CYRIB: variants seen among roughly 807,000 people sequenced by gnomAD.
CYRIB encodes the protein CYFIP-related Rac1 interactor B.
CYRIB carries 8 observed loss-of-function variants against 44.2 expected under a neutral mutation model. That is an observed-to-expected ratio of 0.18 (90% CI 0.11 to 0.33). The LOEUF is 0.33. Ranked by LOEUF, CYRIB falls within the 10% of genes least tolerant of loss-of-function variation. The pLI is 1.00. For missense variants in CYRIB, 185 were observed against 382.8 expected (o/e 0.48, Z 4.31); for synonymous variants, 131 against 127.2 (o/e 1.03, Z -0.20).
Position 129,841,350 on chromosome 8 carries a change from A to T in CYRIB, c.*792T>A, listed in dbSNP as rs1331059325. On this transcript the variant is annotated 3_prime_UTR_variant, in exon 12 of 12. Coordinates refer to ENST00000519824, the Ensembl canonical transcript of CYRIB. ...GACAATGATCAAAATTCTAATGAAA[A>T]GACCCGGCTCTCCCCTAAAAGAAGA... is the stretch of plus-strand genomic sequence containing the variant. 6 of 152,492 alleles carry T rather than the reference A, an allele frequency of 3.9e-5. No individual in the cohort carries two copies. In the East Asian group the frequency reaches 1.2e-3, roughly 29 times the overall value. The allele number at this position is 152,492 out of a possible 1,614,324, so 9.4% of individuals were successfully genotyped here.
chr8:129,908,228 G>A (rs971706757), intron 1 of CYRIB, among the ~76,000 whole-genome samples: 15 of 151,910 alleles, frequency 9.9e-5, no homozygotes, highest in Admixed American at 9.2e-4. Context: ...AAAAATTAAA[G>A]ATAAGGGATA....
chr8:130,011,214 A>G (rs2097205356), intron 1 of CYRIB, among the ~76,000 whole-genome samples: 1 of 152,168 alleles, frequency 6.6e-6, no homozygotes, highest in Admixed American at 6.5e-5. Context: ...AAGGAAGCCC[A>G]GGAAGCTTTC....
In CYRIB at chr8:129,976,832, T is replaced by G. The variant is rs192442555; in HGVS notation, c.-295-5837A>C. 2.9e-3 allele frequency among the ~76,000 whole-genome samples: 446 copies of G among 152,206 alleles called. 4 individuals are homozygous for G. The highest frequency in any genetic ancestry group is 0.01 in the African/African-American group (431 of 41,552). On this transcript the variant is annotated intron_variant, in intron 1 of 14. Transcript: ENST00000401979. ...TGTGTTTATGTGTTGTTGTTTTTTTTTGTTTTTTGGGGTTTTTTTTTAATT... is the reference window on the plus strand; with the variant it reads ...TGTGTTTATGTGTTGTTGTTTTTTTGTGTTTTTTGGGGTTTTTTTTTAATT...
At chr8:129,892,226 G>A (rs1273728582) in intron 2 of CYRIB, among the ~76,000 whole-genome samples, 1 of 152,166 alleles carries the variant, frequency 6.6e-6, no homozygotes, top group Non-Finnish European at 1.5e-5. Context: ...AAGTAATACA[G>A]AAGTTTCTGG....
intron 1 of CYRIB, among the ~76,000 whole-genome samples, chr8:129,920,637 A>G (rs756223377): frequency 6.6e-6 from 1 of 152,152 alleles, no homozygotes; most frequent in Non-Finnish European, 1.5e-5. Context: ...TTCAGACTGG[A>G]AAAGATAAAT....
intron 11 of CYRIB, among the ~76,000 whole-genome samples, chr8:129,843,402 G>A (rs568859580): frequency 2.5e-4 from 37 of 147,854 alleles, no homozygotes; most frequent in Middle Eastern, 6.8e-3. Context: ...CATTAAATAA[G>A]GGGGCTGTTA....
At chr8:129,970,899 C>T (rs1157756020) in intron 2 of CYRIB, 44 bp downstream of exon 2, 1 of 152,182 alleles carries the variant, frequency 6.6e-6, no homozygotes, top group Non-Finnish European at 1.5e-5. Context: ...AGTGCTGGCT[C>T]TGGAGCCAGA....
intron 5 of CYRIB, among the ~76,000 whole-genome samples, chr8:129,859,348 G>A (rs1019224035): frequency 7.2e-5 from 11 of 152,184 alleles, no homozygotes; most frequent in Non-Finnish European, 1.2e-4. Flanking sequence ...GACTAGGAGC[G>A]CGACCACTGA....
chr8:129,886,936 T>C lies in CYRIB; in HGVS notation c.-10-7465A>G, dbSNP rs73710957. 7.1e-3 allele frequency among the ~76,000 whole-genome samples: 1,075 copies of C among 152,210 alleles called. 10 individuals are homozygous for C. Among genetic ancestry groups the C allele is most frequent in the African/African-American group, 0.024 (981 of 41,514 alleles). Reference sequence around the variant, plus strand: ...AAGAGGCAAAGCACTCTTTTAAACATATAAATCATCCTTTCTCTGCTCAAA... The same window carrying C: ...AAGAGGCAAAGCACTCTTTTAAACACATAAATCATCCTTTCTCTGCTCAAA... On this transcript the variant is annotated intron_variant, in intron 2 of 11. Coordinates refer to ENST00000519824, the Ensembl canonical transcript of CYRIB.
intron 1 of CYRIB, among the ~76,000 whole-genome samples, chr8:129,913,099 G>T (rs2078896831): frequency 6.6e-6 from 1 of 150,740 alleles, no homozygotes; most frequent in Non-Finnish European, 1.5e-5. Flanking sequence ...AGCCTCCCAC[G>T]TAGCTGGGAC....
At chr8:129,877,728 G>A (rs909609521) in intron 3 of CYRIB, among the ~76,000 whole-genome samples, 1 of 149,450 alleles carries the variant, frequency 6.7e-6, no homozygotes, top group African/African-American at 2.5e-5. Context: ...CCACAGATTG[G>A]AAAGCCAAGA....
chr8:129,957,203 T>G, intron 2 of CYRIB, among the ~76,000 whole-genome samples: 1 of 152,160 alleles, frequency 6.6e-6, no homozygotes, highest in African/African-American at 2.4e-5. Flanking sequence ...TCATGTTCTA[T>G]TTTCTTCTAC....
At chr8:129,967,694 A>G (rs1378027825) in intron 2 of CYRIB, among the ~76,000 whole-genome samples, 1 of 152,074 alleles carries the variant, frequency 6.6e-6, no homozygotes, top group African/African-American at 2.4e-5. Context: ...TCCTTTTTAA[A>G]TCACTGTAAA....
chr8:129,958,029 C>T (rs749454304), intron 2 of CYRIB, among the ~76,000 whole-genome samples: 2 of 151,268 alleles, frequency 1.3e-5, no homozygotes, highest in Non-Finnish European at 2.9e-5. Flanking sequence ...AAGTGGCACA[C>T]GCCTGTAATC....
intron 3 of CYRIB, among the ~76,000 whole-genome samples, chr8:129,878,694 C>G (rs1226562381): frequency 6.6e-6 from 1 of 152,098 alleles, no homozygotes; most frequent in Non-Finnish European, 1.5e-5. Context: ...TTGCAACATG[C>G]ACCAAGGTCA....
chr8:129,966,224 G>T (rs746449595), intron 2 of CYRIB, among the ~76,000 whole-genome samples: 1 of 152,182 alleles, frequency 6.6e-6, no homozygotes, highest in African/African-American at 2.4e-5. Context: ...ATGCTGCAAT[G>T]AGTATATGTT....
At chr8:129,905,640 TA>T (rs1471382595) in intron 1 of CYRIB, among the ~76,000 whole-genome samples, 1 of 152,164 alleles carries the variant, frequency 6.6e-6, no homozygotes, top group Non-Finnish European at 1.5e-5. Context: ...CTGCCGAAGA[TA>T]AAACTTCCTT....
intron 2 of CYRIB, among the ~76,000 whole-genome samples, chr8:129,951,121 T>C (rs561431781): frequency 5.3e-5 from 8 of 152,142 alleles, no homozygotes; most frequent in Admixed American, 6.5e-5. Context: ...CTGGCCAACA[T>C]GGCGAGACCC....
At chr8:129,902,873 A>C (rs916055603) in intron 2 of CYRIB, 1 of 151,858 alleles carries the variant, frequency 6.6e-6, no homozygotes, top group African/African-American at 2.4e-5. Context: ...TTTCTAAAAA[A>C]TTTTTTTTTA....
Sources: allele counts gnomAD v4.1 joint callset (sites outside exome capture counted in the v4.1 genomes callset), GRCh38; gene constraint gnomAD v4.1.1; transcripts MANE v1.5; gene names NCBI Gene and HGNC (gene_info 2026-07-23, HGNC 2026-07-21).